The following MLLT10 variants were observed in gnomAD, a reference collection of about 807,000 sequenced individuals.
MLLT10 encodes the protein protein AF-10.
A neutral mutation model predicts 129.1 loss-of-function variants in MLLT10; 30 were observed. The observed-to-expected ratio is 0.23, with a 90% CI of 0.17 to 0.32. MLLT10 has a LOEUF of 0.32. Ranked by LOEUF, MLLT10 falls within the 10% of genes least tolerant of loss-of-function variation. The probability of loss-of-function intolerance (pLI) is 1.00; values close to 1 mark genes in which losing one functional copy is unlikely to be tolerated. For synonymous variants in MLLT10, 490 were observed against 446.4 expected (o/e 1.10, Z -1.23); for missense variants, 1,119 against 1,268.3 (o/e 0.88, Z 1.79).
At chr10:21,669,584 T>A (rs1054434476) in intron 9 of MLLT10, among the ~76,000 whole-genome samples, 2 of 152,210 alleles carry the variant, frequency 1.3e-5, no homozygotes, top group Admixed American at 6.5e-5. Context: ...ATGCTGTGCA[T>A]GCCTCAGATA....
At chr10:21,692,866 C>T (rs1589673285) in intron 13 of MLLT10, among the ~76,000 whole-genome samples, 1 of 152,084 alleles carries the variant, frequency 6.6e-6, no homozygotes, top group South Asian at 2.1e-4. Context: ...TGTGGCCATT[C>T]TTTTATGTTT....
chr10:21,578,846 GTATAT>G (rs1315329616), intron 3 of MLLT10, among the ~76,000 whole-genome samples: 12 of 152,162 alleles, frequency 7.9e-5, no homozygotes, highest in Admixed American at 5.9e-4. Flanking sequence ...TTGGAACTAT[GTATAT>G]TATAAGCCCC....
intron 5 of MLLT10, among the ~76,000 whole-genome samples, chr10:21,604,558 C>A (rs377266541): frequency 6.6e-6 from 1 of 152,100 alleles, no homozygotes; most frequent in African/African-American, 2.4e-5. Flanking sequence ...CATTGCACTC[C>A]AGCCTGGGTG....
intron 13 of MLLT10, among the ~76,000 whole-genome samples, chr10:21,703,377 G>A (rs555405737): frequency 2.6e-4 from 39 of 151,806 alleles, no homozygotes; most frequent in African/African-American, 8.9e-4. Flanking sequence ...TTAGTCTGAT[G>A]GGGGGGTCTT....
chr10:21,594,291 TG>T lies in MLLT10; in HGVS notation c.296-1039del, dbSNP rs368723374. Among the ~76,000 whole-genome samples, 725 of 152,166 alleles carry T rather than the reference TG, an allele frequency of 4.8e-3. 5 individuals are homozygous for T. Among genetic ancestry groups the T allele is most frequent in the African/African-American group, 0.017 (696 of 41,508 alleles). ...TCAGGCTGAGCGTGGTGCTCATGCC[TG>T]TAATCCCATCACTTGGGGAGGCTGA... On this transcript the variant is annotated intron_variant, in intron 4 of 22. Transcript: ENST00000307729.
At chr10:21,651,592 T>C in intron 8 of MLLT10, 81 bp from the exon 9 acceptor site, 2 of 851,192 alleles carry the variant, frequency 2.3e-6, no homozygotes, top group Non-Finnish European at 3.8e-6. Context: ...TGTTTTAAAT[T>C]ACTAGTTATA....
At chr10:21,699,454 C>G (rs1281826464) in intron 13 of MLLT10, among the ~76,000 whole-genome samples, 2 of 151,946 alleles carry the variant, frequency 1.3e-5, no homozygotes, top group African/African-American at 4.8e-5. Context: ...TTTGCCTAGA[C>G]CAATGTCCTG....
chr10:21,602,627 G>C (rs2043652055), intron 5 of MLLT10, among the ~76,000 whole-genome samples: 2 of 152,108 alleles, frequency 1.3e-5, no homozygotes, highest in South Asian at 4.2e-4. Flanking sequence ...GATGATTAAT[G>C]TTTTCAAATT....
At chr10:21,725,102 A>G (rs371064029) in intron 14 of MLLT10, among the ~76,000 whole-genome samples, 1 of 152,254 alleles carries the variant, frequency 6.6e-6, no homozygotes, top group Non-Finnish European at 1.5e-5. Flanking sequence ...TTCCAAGTCT[A>G]TCAAAATAGG....
At chr10:21,638,208 T>C (rs2131285764) in intron 8 of MLLT10, among the ~76,000 whole-genome samples, 1 of 139,878 alleles carries the variant, frequency 7.1e-6, no homozygotes, top group South Asian at 2.3e-4. Context: ...GTAAATATTT[T>C]GGGCTTTGTG....
At chr10:21,643,999 T>G (rs1281717701) in intron 8 of MLLT10, among the ~76,000 whole-genome samples, 1 of 152,228 alleles carries the variant, frequency 6.6e-6, no homozygotes, top group Admixed American at 6.5e-5. Context: ...TAACAATTCT[T>G]GGCAATGTGT....
At chr10:21,676,904 C>T (rs928015983) in intron 11 of MLLT10, among the ~76,000 whole-genome samples, 8 of 151,950 alleles carry the variant, frequency 5.3e-5, no homozygotes, top group African/African-American at 4.8e-5. Context: ...TAGTAAAAAG[C>T]GTATCCTTAT....
At chr10:21,544,577 A>C (rs977084913) in intron 3 of MLLT10, among the ~76,000 whole-genome samples, 1 of 152,134 alleles carries the variant, frequency 6.6e-6, no homozygotes, top group African/African-American at 2.4e-5. Context: ...CTTGAAAGGG[A>C]AGGTTAGAGA....
chr10:21,616,535 A>G (rs186822637), intron 7 of MLLT10, among the ~76,000 whole-genome samples: 5 of 152,226 alleles, frequency 3.3e-5, no homozygotes, highest in Non-Finnish European at 1.5e-5. Flanking sequence ...GATGCTTTTT[A>G]GTAATGCTTT....
At chr10:21,693,392 T>A (rs2054063164) in intron 13 of MLLT10, among the ~76,000 whole-genome samples, 1 of 152,102 alleles carries the variant, frequency 6.6e-6, no homozygotes, top group African/African-American at 2.4e-5. Flanking sequence ...AAAAACCTTA[T>A]TTTAGTTTCC....
chr10:21,541,551 A>G (rs1413964453), intron 3 of MLLT10, among the ~76,000 whole-genome samples: 1 of 151,900 alleles, frequency 6.6e-6, no homozygotes, highest in Non-Finnish European at 1.5e-5. Flanking sequence ...ACACCCAGCT[A>G]ATTTTTGTAC....
chr10:21,542,163 G>T (rs1332151879), intron 3 of MLLT10, among the ~76,000 whole-genome samples: 2 of 152,168 alleles, frequency 1.3e-5, no homozygotes, highest in Admixed American at 6.5e-5. Context: ...AATAGGGAGT[G>T]TCAGAATGCC....
chr10:21,586,550 T>C (rs1297151980), intron 4 of MLLT10, among the ~76,000 whole-genome samples: 5 of 152,196 alleles, frequency 3.3e-5, no homozygotes, highest in Non-Finnish European at 7.3e-5. Context: ...GCATTGGGTA[T>C]TTTATGCAGT....
intron 21 of MLLT10, among the ~76,000 whole-genome samples, chr10:21,735,667 G>C (rs534294513): frequency 1.2e-4 from 19 of 152,290 alleles, no homozygotes; most frequent in African/African-American, 4.6e-4. Context: ...AGCACAGACC[G>C]ATGTGAGAGT....
Sources: gnomAD v4.1 joint callset for allele counts (sites outside exome capture counted in the v4.1 genomes callset) on GRCh38, gnomAD v4.1.1 for gene constraint, MANE v1.5 for transcripts, NCBI Gene and HGNC (gene_info 2026-07-23, HGNC 2026-07-21) for gene names.